KCNH8: variants seen among roughly 807,000 people sequenced by gnomAD.
The protein encoded by KCNH8 is potassium voltage-gated channel subfamily H member 8, also known as voltage-gated delayed rectifier potassium channel KCNH8.
Under a neutral mutation model 103.6 loss-of-function variants are expected in KCNH8, and 70 were observed. The ratio of observed to expected loss-of-function variants is 0.68; its 90% CI spans 0.56 to 0.82. The LOEUF (loss-of-function observed/expected upper bound fraction) is 0.82, where lower values mean the gene tolerates loss of function less well. Among genes scored for constraint, KCNH8 ranks in the 40% least tolerant of loss-of-function variants. KCNH8 has a pLI of 0.00. For synonymous variants in KCNH8, 498 were observed against 489.4 expected, an observed-to-expected ratio of 1.02 and a Z score of -0.23; for missense variants, 1,217 against 1,329.9, an observed-to-expected ratio of 0.92 and a Z score of 1.32.
chr3:19,158,491 G>T (rs2063202875), intron 1 of KCNH8, among the ~76,000 whole-genome samples: 1 of 151,638 alleles, frequency 6.6e-6, no homozygotes. Flanking sequence ...AATCCTGATG[G>T]TATTTTTAAT....
At chr3:19,257,677 G>A (rs544848297) in intron 2 of KCNH8, among the ~76,000 whole-genome samples, 10 of 152,110 alleles carry the variant, frequency 6.6e-5, no homozygotes, top group South Asian at 6.2e-4. Context: ...AAAGAAAAAC[G>A]TAGAGAACAA....
rs370363533 is a variant in KCNH8 at position 19,451,249 on chromosome 3, G to A, written c.1670G>A (p.Arg557Gln). 8 of 1,613,746 alleles carry A rather than the reference G, an allele frequency of 5.0e-6. No individual in the cohort carries two copies. Among genetic ancestry groups the A allele is most frequent in the South Asian group, 1.1e-5 (1 of 91,084 alleles). ...LQLSLFECAS[R>Q]GCLRSLSLHI... ...TTGTCCCTTTTTGAATGTGCCAGCC[G>A]GGGCTGCCTCAGGTCTCTGTCTCTA... is the stretch of plus-strand genomic sequence containing the variant. Residue 557 changes from arginine to glutamine, a missense_variant, in exon 10 of 16, where the codon CGG (arginine) becomes CAG (glutamine). By Grantham distance (43) the Arg-to-Gln change is conservative. Around this residue, in one of 3 missense-constraint regions of KCNH8, gnomAD observed 415 missense variants for 577.4 expected, o/e 0.72. Coordinates refer to ENST00000328405, the MANE Select transcript of KCNH8 (RefSeq NM_144633.3).
chr3:19,384,650 T>A (rs2066332907), intron 5 of KCNH8, among the ~76,000 whole-genome samples: 2 of 152,174 alleles, frequency 1.3e-5, no homozygotes, highest in South Asian at 2.1e-4. Context: ...AAAAAAATTT[T>A]AAATTTTATA....
At position 19,258,905 on chromosome 3, in the gene KCNH8, T is replaced by TTCTC. The variant is rs755488116; in HGVS notation, c.310+5058_310+5061dup. Among the ~76,000 whole-genome samples the TTCTC allele has an allele frequency of 5.0e-3, 215 of 43,006 alleles. 5 individuals carry two copies. The highest frequency in any genetic ancestry group is 6.4e-3 in the Admixed American group (19 of 2,956). The allele number at this position is 43,006 out of a possible 152,430, so 28.2% of individuals were successfully genotyped here. ...AAATAACTTCATTTTTATTTTCTGT[T>TTCTC]TCTCTCTCTCTCTCTCTCTCTCTCT... On this transcript the variant is annotated intron_variant, in intron 2 of 15. Coordinates refer to ENST00000328405, the MANE Select transcript of KCNH8 (RefSeq NM_144633.3).
chr3:19,209,656 C>T (rs1212986094), intron 1 of KCNH8, among the ~76,000 whole-genome samples: 2 of 152,038 alleles, frequency 1.3e-5, no homozygotes, highest in Non-Finnish European at 2.9e-5. Flanking sequence ...GCTATGAATA[C>T]ACAGCACAGC....
At chr3:19,467,852 C>A (rs556518482) in intron 11 of KCNH8, among the ~76,000 whole-genome samples, 44 of 152,164 alleles carry the variant, frequency 2.9e-4, no homozygotes, top group Non-Finnish European at 5.9e-4. Flanking sequence ...CCCAGCCTGC[C>A]TTTCAAAGTC....
At chr3:19,449,073 G>A (rs914533498) in intron 8 of KCNH8, 7 of 729,448 alleles carry the variant, frequency 9.6e-6, no homozygotes, top group African/African-American at 1.8e-5. Context: ...TTCCCAAAGT[G>A]GGTAATTCCT....
chr3:19,493,290 T>C lies in KCNH8; in HGVS notation c.2041-17073T>C, dbSNP rs539617811. 3.3e-5 allele frequency among the ~76,000 whole-genome samples: 5 copies of C among 152,240 alleles called. No homozygotes were observed. The South Asian group carries it at 1.0e-3, about 32-fold the overall frequency. The stretch of plus-strand genomic sequence containing the variant: ...GAACGGGGAGAGTGGGCATCTTACA[T>C]GGTTAGGCTTTGTGTCCCCACCCAA... On this transcript the variant is annotated intron_variant, in intron 11 of 15. Coordinates refer to ENST00000328405, the MANE Select transcript of KCNH8 (RefSeq NM_144633.3).
intron 3 of KCNH8, among the ~76,000 whole-genome samples, chr3:19,291,690 T>C (rs1004089734): frequency 2.0e-5 from 3 of 152,152 alleles, no homozygotes; most frequent in African/African-American, 7.2e-5. Flanking sequence ...GGAATAGGTG[T>C]GGTGTGGTGC....
chr3:19,430,121 A>G (rs115466369), intron 7 of KCNH8, among the ~76,000 whole-genome samples: 1,754 of 152,288 alleles, frequency 0.012, 45 homozygotes, highest in African/African-American at 0.039. Flanking sequence ...TCTGTCTTTA[A>G]TCCATCTTGA....
At chr3:19,331,681 T>G (rs1160964879) in intron 3 of KCNH8, among the ~76,000 whole-genome samples, 2 of 152,166 alleles carry the variant, frequency 1.3e-5, no homozygotes, top group African/African-American at 4.8e-5. Flanking sequence ...TGCATAATAG[T>G]CACATCAGGG....
intron 1 of KCNH8, among the ~76,000 whole-genome samples, chr3:19,183,716 G>T (rs762253163): frequency 1.3e-5 from 2 of 152,112 alleles, no homozygotes; most frequent in Non-Finnish European, 2.9e-5. Flanking sequence ...TTTGTCACAC[G>T]TGTGGCTGAC....
chr3:19,230,428 A>G (rs935991628), intron 1 of KCNH8, among the ~76,000 whole-genome samples: 3 of 152,234 alleles, frequency 2.0e-5, no homozygotes, highest in African/African-American at 7.2e-5. Flanking sequence ...AATAAAATCT[A>G]AATAAGCAGC....
intron 5 of KCNH8, among the ~76,000 whole-genome samples, chr3:19,363,386 T>A (rs1388324824): frequency 6.6e-6 from 1 of 152,092 alleles, no homozygotes; most frequent in African/African-American, 2.4e-5. Flanking sequence ...CCTGAACAGC[T>A]CTGAAGAGGC....
intron 7 of KCNH8, among the ~76,000 whole-genome samples, chr3:19,399,452 TG>T (rs1207762335): frequency 6.6e-6 from 1 of 152,020 alleles, no homozygotes; most frequent in Non-Finnish European, 1.5e-5. Context: ...AGCATCCTAA[TG>T]TGAGTTCTGA....
chr3:19,372,243 A>G (rs928374642), intron 5 of KCNH8, among the ~76,000 whole-genome samples: 8 of 152,028 alleles, frequency 5.3e-5, no homozygotes, highest in African/African-American at 1.9e-4. Flanking sequence ...CCTACCCATG[A>G]GCATGGAATG....
At chr3:19,460,845 T>G (rs950292194) in intron 11 of KCNH8, among the ~76,000 whole-genome samples, 2 of 152,146 alleles carry the variant, frequency 1.3e-5, no homozygotes, top group Non-Finnish European at 2.9e-5. Context: ...TCTCATAAGA[T>G]CTGATGGTTT....
Position 19,170,810 on chromosome 3 carries a change from A to ATTTTT in KCNH8, c.76+22028_76+22032dup, listed in dbSNP as rs1163528137. Among the ~76,000 whole-genome samples the ATTTTT allele has an allele frequency of 2.5e-3, 192 of 75,322 alleles. 11 individuals are homozygous for ATTTTT. The highest frequency in any genetic ancestry group is 9.1e-3 in the African/African-American group (176 of 19,356). The allele number at this position is 75,322 out of a possible 152,430, so 49.4% of individuals were successfully genotyped here. ...CACACATATATATATATATATATAT[A>ATTTTT]TTTTTTTTTTTTTTTTTGAGACGAA... On this transcript the variant is annotated intron_variant, in intron 1 of 15. Coordinates refer to ENST00000328405, the MANE Select transcript of KCNH8 (RefSeq NM_144633.3).
intron 5 of KCNH8, among the ~76,000 whole-genome samples, chr3:19,350,345 A>T (rs2065783179): frequency 6.6e-6 from 1 of 152,086 alleles, no homozygotes; most frequent in Non-Finnish European, 1.5e-5. Flanking sequence ...CTGCAGACTT[A>T]AACTTCCCTG....
Sources: allele counts gnomAD v4.1 joint callset (sites outside exome capture counted in the v4.1 genomes callset), GRCh38; gene constraint gnomAD v4.1.1; regional missense constraint gnomAD v4.1.1; transcripts MANE v1.5; gene names NCBI Gene and HGNC (gene_info 2026-07-23, HGNC 2026-07-21).